Variants in MGAT4C observed in about 807,000 individuals in gnomAD.
MGAT4C encodes MGAT4 family member C.
Under a neutral mutation model 40.1 loss-of-function variants are expected in MGAT4C, and 19 were observed. That is an observed-to-expected ratio of 0.47 (90% CI 0.33 to 0.70). MGAT4C has a LOEUF of 0.70. Among genes scored for constraint, MGAT4C ranks in the 30% least tolerant of loss-of-function variants. The pLI is 0.02. For synonymous variants in MGAT4C, 181 were observed against 187.1 expected (o/e 0.97, Z 0.27); for missense variants, 491 against 563.2 (o/e 0.87, Z 1.30).
chr12:86,763,977 G>A (rs538787703), intron 1 of MGAT4C, among the ~76,000 whole-genome samples: 237 of 152,212 alleles, frequency 1.6e-3, no homozygotes, highest in African/African-American at 5.4e-3. Flanking sequence ...CTGAGGTACC[G>A]GGTTCATATC....
At chr12:86,589,325 C>T (rs1367708559) in intron 2 of MGAT4C, among the ~76,000 whole-genome samples, 1 of 151,854 alleles carries the variant, frequency 6.6e-6, no homozygotes, top group Non-Finnish European at 1.5e-5. Context: ...AATTCCTTGA[C>T]ACATACACTC....
chr12:86,269,278 C>G (rs1592623851), intron 4 of MGAT4C, among the ~76,000 whole-genome samples: 1 of 150,800 alleles, frequency 6.6e-6, no homozygotes, highest in Admixed American at 6.6e-5. Flanking sequence ...TAGGTCTTAC[C>G]TCATCTACAT....
In MGAT4C at chr12:86,156,969, T is replaced by G. The variant is rs115266609; in HGVS notation, c.-57+99270A>C. 6.3e-3 allele frequency among the ~76,000 whole-genome samples: 958 copies of G among 152,212 alleles called. 5 individuals carry two copies. The highest frequency in any genetic ancestry group is 0.022 in the African/African-American group (916 of 41,532). On this transcript the variant is annotated intron_variant, in intron 1 of 4. Coordinates refer to ENST00000611864, the MANE Select transcript of MGAT4C (RefSeq NM_001351288.2). Reference sequence around the variant, plus strand: ...CTTCTCTTTATTCCCATCCCCCTCCTGGTGTGTGTGATTGCTATAATTTAG... The same window carrying G: ...CTTCTCTTTATTCCCATCCCCCTCCGGGTGTGTGTGATTGCTATAATTTAG...
intron 3 of MGAT4C, among the ~76,000 whole-genome samples, chr12:86,337,544 C>T (rs906006146): frequency 1.4e-5 from 2 of 148,096 alleles, no homozygotes; most frequent in Middle Eastern, 3.4e-3. Flanking sequence ...TGAGATAGTG[C>T]CATTGCACTC....
In MGAT4C at chr12:86,116,106, C is replaced by T. The variant is rs1049553139; in HGVS notation, c.-56-66383G>A. On this transcript the variant is annotated intron_variant, in intron 1 of 4. Transcript: ENST00000611864. Reference sequence around the variant, plus strand: ...ATGTCAAAGAATAGCATAAAGGCTGCTCTGGCCCAACTATAGCAGGAAAAA... The same window carrying T: ...ATGTCAAAGAATAGCATAAAGGCTGTTCTGGCCCAACTATAGCAGGAAAAA... Among the ~76,000 whole-genome samples, 4 of 151,800 alleles carry T rather than the reference C, an allele frequency of 2.6e-5. No homozygotes were observed. In the East Asian group the frequency reaches 5.8e-4, roughly 22 times the overall value.
At chr12:86,085,185 T>C (rs1404724052) in intron 1 of MGAT4C, among the ~76,000 whole-genome samples, 2 of 152,148 alleles carry the variant, frequency 1.3e-5, no homozygotes, top group African/African-American at 4.8e-5. Context: ...TTTCTTTTAC[T>C]GTGCAGAAGC....
At chr12:86,464,784 C>T (rs1037011860) in intron 2 of MGAT4C, among the ~76,000 whole-genome samples, 31 of 151,950 alleles carry the variant, frequency 2.0e-4, no homozygotes, top group African/African-American at 7.0e-4. Flanking sequence ...TCTATATTAA[C>T]TATGAAAGAT....
chr12:86,301,395 A>G (rs1193087497), intron 4 of MGAT4C, among the ~76,000 whole-genome samples: 3 of 152,150 alleles, frequency 2.0e-5, no homozygotes, highest in Non-Finnish European at 4.4e-5. Flanking sequence ...AATGGTTTCT[A>G]TTTTACACAT....
intron 3 of MGAT4C, among the ~76,000 whole-genome samples, chr12:86,410,264 G>A (rs1430751366): frequency 1.3e-5 from 2 of 152,118 alleles, no homozygotes; most frequent in African/African-American, 4.8e-5. Flanking sequence ...ATAAGCCTGA[G>A]GGTACTGCAG....
chr12:86,139,289 G>T (rs1188376752), intron 1 of MGAT4C, among the ~76,000 whole-genome samples: 2 of 151,772 alleles, frequency 1.3e-5, no homozygotes, highest in African/African-American at 4.8e-5. Context: ...CTTTCCTCAG[G>T]CATGACCATT....
chr12:86,393,503 T>C (rs1036494392), intron 3 of MGAT4C, among the ~76,000 whole-genome samples: 3 of 152,166 alleles, frequency 2.0e-5, no homozygotes, highest in African/African-American at 7.2e-5. Context: ...GAAAACTGAT[T>C]GAGATTAAAG....
chr12:86,404,468 C>T (rs1388393281), intron 3 of MGAT4C, among the ~76,000 whole-genome samples: 26 of 151,950 alleles, frequency 1.7e-4, no homozygotes, highest in Non-Finnish European at 1.5e-5. Context: ...ATTTTAAGAG[C>T]CCTAAGTATA....
At chr12:86,070,084 A>G (rs1035524168) in intron 1 of MGAT4C, among the ~76,000 whole-genome samples, 3 of 146,618 alleles carry the variant, frequency 2.0e-5, no homozygotes, top group Non-Finnish European at 3.0e-5. Flanking sequence ...GGAACTTTGC[A>G]TTGGATTTTT....
chr12:86,036,844 T>C (rs184379458), intron 2 of MGAT4C, among the ~76,000 whole-genome samples: 61 of 150,014 alleles, frequency 4.1e-4, no homozygotes, highest in African/African-American at 1.4e-3. Flanking sequence ...TTTTCTATTG[T>C]TTGGAATAGT....
intron 1 of MGAT4C, among the ~76,000 whole-genome samples, chr12:86,147,819 T>C (rs1048588500): frequency 2.0e-5 from 3 of 152,202 alleles, no homozygotes; most frequent in African/African-American, 7.2e-5. Context: ...TAGTAACTTA[T>C]AGAGGAGACA....
At chr12:86,449,498 G>GA (rs1957390047) in intron 2 of MGAT4C, among the ~76,000 whole-genome samples, 1 of 152,020 alleles carries the variant, frequency 6.6e-6, no homozygotes, top group Non-Finnish European at 1.5e-5. Flanking sequence ...CACATTCATT[G>GA]AGACAGCCAT....
At chr12:86,489,621 C>A (rs919846480) in intron 2 of MGAT4C, among the ~76,000 whole-genome samples, 1 of 152,204 alleles carries the variant, frequency 6.6e-6, no homozygotes, top group African/African-American at 2.4e-5. Context: ...GTGGGACATG[C>A]ATGAAGTTTA....
chr12:86,649,950 C>T (rs1403038803), intron 2 of MGAT4C, among the ~76,000 whole-genome samples: 1 of 151,768 alleles, frequency 6.6e-6, no homozygotes, highest in Non-Finnish European at 1.5e-5. Flanking sequence ...TAGGACAACC[C>T]TTGCTAGACT....
rs576280849 is a variant in MGAT4C at position 86,752,569 on chromosome 12, T to C, written c.-261-25328A>G. Among the ~76,000 whole-genome samples the C allele has an allele frequency of 4.6e-5, 7 of 152,176 alleles. No individual in the cohort carries two copies. The South Asian group carries it at 1.4e-3, about 32-fold the overall frequency. ...TGTGATTGGAACACATGAATGAATT[T>C]ATAGATTCATTTAGTGAATATCAAT... On this transcript the variant is annotated intron_variant, in intron 1 of 7. Coordinates refer to the MGAT4C transcript ENST00000548651.
Sources: allele counts gnomAD v4.1 joint callset (sites outside exome capture counted in the v4.1 genomes callset), GRCh38; gene constraint gnomAD v4.1.1; transcripts MANE v1.5; gene names NCBI Gene and HGNC (gene_info 2026-07-23, HGNC 2026-07-21).